KIF26B: variants seen among roughly 807,000 people sequenced by gnomAD.
The protein encoded by KIF26B is kinesin-like protein KIF26B.
KIF26B carries 63 observed loss-of-function variants against 151.2 expected under a neutral mutation model. The ratio of observed to expected loss-of-function variants is 0.42; its 90% confidence interval spans 0.34 to 0.51. The LOEUF is 0.51. Ranked by LOEUF, KIF26B falls within the 20% of genes least tolerant of loss-of-function variation. The probability of loss-of-function intolerance (pLI) is 0.07; values close to 1 mark genes in which losing one functional copy is unlikely to be tolerated. For synonymous variants in KIF26B, 1,357 were observed against 1,262.1 expected, an observed-to-expected ratio of 1.08 and a Z score of -1.59; for missense variants, 2,813 against 2,913.6, an observed-to-expected ratio of 0.97 and a Z score of 0.79.
intron 2 of KIF26B, among the ~76,000 whole-genome samples, chr1:245,181,540 A>T (rs201895098): frequency 7.0e-6 from 1 of 143,526 alleles, no homozygotes; most frequent in Non-Finnish European, 1.5e-5. Flanking sequence ...AAAAAAAAAA[A>T]TTCTTCCATT....
chr1:245,275,839 T>A (rs1373842158), intron 2 of KIF26B, among the ~76,000 whole-genome samples: 1 of 152,206 alleles, frequency 6.6e-6, no homozygotes, highest in African/African-American at 2.4e-5. Context: ...AAAGTCAGTC[T>A]AGTAGCAAGG....
chr1:245,688,759 G>C lies in KIF26B; in HGVS notation c.5776G>C (p.Gly1926Arg). 1 of 1,600,294 alleles carries C rather than the reference G, an allele frequency of 6.2e-7. No homozygotes were observed. The highest frequency in any genetic ancestry group is 8.5e-7 in the Non-Finnish European group (1 of 1,171,602). Residue 1926 changes from glycine to arginine, a missense_variant, in exon 12 of 15, where the codon GGC (glycine) becomes CGC (arginine). Gly to Arg is a moderately radical substitution (Grantham distance 125). This residue lies in a region of KIF26B where 2,060 missense variants were observed against 2,088.6 expected (regional missense o/e 0.99). Coordinates refer to ENST00000407071, the MANE Select transcript of KIF26B (RefSeq NM_018012.4). ...DSTSENSSSV[G>R]GRCRSLKTPK... ...CACGAGCGAGAACAGCAGCTCCGTG[G>C]GCGGCAGGTGCCGGAGCCTCAAGAC...
In KIF26B at chr1:245,352,836, CGTGTGT is replaced by C. The variant is rs112283221; in HGVS notation, c.466-13982_466-13977del. Among the ~76,000 whole-genome samples the C allele has an allele frequency of 6.7e-6, 1 of 148,736 alleles. No homozygotes were observed. Among genetic ancestry groups the C allele is most frequent in the African/African-American group, 2.5e-5 (1 of 40,644 alleles). ...TGGTTTCTTCCTAAAGAGATGTACA[CGTGTGT>C]GTGTGTGTGTGTGTGGTGGGCGTGG... On this transcript the variant is annotated intron_variant, in intron 2 of 14. Coordinates refer to ENST00000407071, the MANE Select transcript of KIF26B (RefSeq NM_018012.4). The surrounding 1 kb of genome is among the most constrained non-coding windows in gnomAD (Gnocchi z 5.0).
At chr1:245,163,253 C>T (rs540516058) in intron 2 of KIF26B, among the ~76,000 whole-genome samples, 12 of 152,204 alleles carry the variant, frequency 7.9e-5, no homozygotes, top group Admixed American at 3.9e-4. Flanking sequence ...GCAGTTCTCC[C>T]GCCTCAGTCT....
chr1:245,373,468 A>T (rs932430794), intron 3 of KIF26B, among the ~76,000 whole-genome samples: 2 of 152,252 alleles, frequency 1.3e-5, no homozygotes, highest in African/African-American at 4.8e-5. Context: ...GCTTTATTTC[A>T]TAGGATTTCA....
chr1:245,671,885 G>A (rs1355021302), intron 10 of KIF26B, among the ~76,000 whole-genome samples: 1 of 152,234 alleles, frequency 6.6e-6, no homozygotes, highest in Admixed American at 6.5e-5. Flanking sequence ...CTCACAGCGT[G>A]TTCAGGGCGT....
intron 2 of KIF26B, among the ~76,000 whole-genome samples, chr1:245,270,218 C>T (rs1485573073): frequency 2.5e-5 from 3 of 120,748 alleles, no homozygotes; most frequent in South Asian, 2.7e-4. Context: ...TTCTTCTTCC[C>T]TTCCTTCTTC....
Position 245,367,446 on chromosome 1 carries a change from G to C in KIF26B, c.999+79G>C, listed in dbSNP as rs1672989791. The C allele has an allele frequency of 1.5e-6, 2 of 1,295,344 alleles. No homozygotes were observed. Among genetic ancestry groups the C allele is most frequent in the African/African-American group, 2.9e-5 (2 of 67,924 alleles). 80.2% of individuals were successfully genotyped at this position (1,295,344 alleles called of 1,614,324 possible). A position where few individuals can be genotyped will look rare whatever the true frequency, so the allele number is the denominator to read the frequency against. ...GAAGTAGGCAGCACTTCCTTCCGCT[G>C]CCTCCTCCCGGGAACCCTGTAACTC... is the stretch of plus-strand genomic sequence containing the variant. On this transcript the variant is annotated intron_variant, in intron 3 of 14. Transcript: ENST00000407071. The surrounding 1 kb of genome is among the most constrained non-coding windows in gnomAD (Gnocchi z 4.2).
chr1:245,645,340 C>T (rs955874049), intron 9 of KIF26B, among the ~76,000 whole-genome samples: 1 of 152,188 alleles, frequency 6.6e-6, no homozygotes, highest in African/African-American at 2.4e-5. Context: ...GATCAGTACT[C>T]AGCTGAACAC....
intron 4 of KIF26B, among the ~76,000 whole-genome samples, chr1:245,522,560 T>G (rs896776283): frequency 6.6e-6 from 1 of 152,176 alleles, no homozygotes; most frequent in Non-Finnish European, 1.5e-5. Flanking sequence ...AGAATCTAGT[T>G]TCAGCTGGTG....
intron 3 of KIF26B, among the ~76,000 whole-genome samples, chr1:245,410,793 A>G (rs920740063): frequency 6.6e-6 from 1 of 152,102 alleles, no homozygotes; most frequent in Non-Finnish European, 1.5e-5. Flanking sequence ...CATCTTCACC[A>G]TTTTTAAGCA....
At chr1:245,217,396 G>A (rs1252977878) in intron 2 of KIF26B, among the ~76,000 whole-genome samples, 12 of 139,888 alleles carry the variant, frequency 8.6e-5, no homozygotes, top group Non-Finnish European at 1.4e-4. Context: ...ACGGAGTCTC[G>A]CTCTGTTTCC....
chr1:245,684,414 G>T lies in KIF26B; in HGVS notation c.2421+19G>T, dbSNP rs775925770. The T allele has an allele frequency of 7.0e-5, 104 of 1,483,414 alleles. 1 individual carries two copies. Among genetic ancestry groups the T allele is most frequent in the African/African-American group, 4.5e-4 (28 of 62,574 alleles). 91.9% of individuals were successfully genotyped at this position (1,483,414 alleles called of 1,614,324 possible). A position where few individuals can be genotyped will look rare whatever the true frequency, so the allele number is the denominator to read the frequency against. On this transcript the variant is annotated intron_variant, in intron 11 of 14. Transcript: ENST00000407071. ...GACGAAGGTAAGGAGCTCGCGGGGT[G>T]GGGGGGTGGTGGATGAGGGAGCCTT...
chr1:245,398,003 A>G (rs1025469775), intron 3 of KIF26B, among the ~76,000 whole-genome samples: 2 of 152,202 alleles, frequency 1.3e-5, no homozygotes, highest in African/African-American at 4.8e-5. Flanking sequence ...GAAGAGTTAT[A>G]TAACCATGGG....
intron 2 of KIF26B, among the ~76,000 whole-genome samples, chr1:245,346,536 C>A (rs1249930343): frequency 6.6e-6 from 1 of 152,136 alleles, no homozygotes; most frequent in Non-Finnish European, 1.5e-5. Context: ...ATCAGTACAC[C>A]AACCCTACTT....
intron 2 of KIF26B, among the ~76,000 whole-genome samples, chr1:245,344,585 C>G (rs981719091): frequency 1.3e-5 from 2 of 150,810 alleles, no homozygotes; most frequent in Non-Finnish European, 3.0e-5. Flanking sequence ...GGCAATCACT[C>G]TGGCTTCTGG....
chr1:245,366,011 A>G (rs558920588), intron 2 of KIF26B, among the ~76,000 whole-genome samples: 1 of 152,320 alleles, frequency 6.6e-6, no homozygotes, highest in African/African-American at 2.4e-5. Context: ...CTTAGCACAC[A>G]ATGCTGAGAA....
At chr1:245,247,823 C>T (rs540082585) in intron 2 of KIF26B, among the ~76,000 whole-genome samples, 1 of 152,322 alleles carries the variant, frequency 6.6e-6, no homozygotes, top group South Asian at 2.1e-4. Flanking sequence ...GCCTCGTGGC[C>T]TCAACCACTA....
chr1:245,431,192 T>G (rs1196924762), intron 4 of KIF26B, among the ~76,000 whole-genome samples: 2 of 152,112 alleles, frequency 1.3e-5, no homozygotes, highest in African/African-American at 2.4e-5. Context: ...ACTACTCTTT[T>G]TTTTGAGACA....
Sources: gnomAD v4.1 joint callset for allele counts (sites outside exome capture counted in the v4.1 genomes callset) on GRCh38, gnomAD v4.1.1 for gene constraint, gnomAD v4.1.1 regional missense constraint, Gnocchi (gnomAD v3.1) non-coding constraint, MANE v1.5 for transcripts, NCBI Gene and HGNC (gene_info 2026-07-23, HGNC 2026-07-21) for gene names.